COL5A2: variants seen among roughly 807,000 people sequenced by gnomAD.
COL5A2 encodes the protein collagen alpha-2(V) chain.
A neutral mutation model predicts 208.2 loss-of-function variants in COL5A2; 23 were observed. The observed-to-expected ratio is 0.11, with a 90% CI of 0.08 to 0.16. COL5A2 has a LOEUF of 0.16. COL5A2 is among the 10% of genes least tolerant of loss of function. The pLI is 1.00. For synonymous variants in COL5A2, 625 were observed against 628.5 expected (o/e 0.99, Z 0.08); for missense variants, 1,590 against 1,956.4 (o/e 0.81, Z 3.53).
chr2:189,096,772 A>AT (rs1245151985), intron 6 of COL5A2, among the ~76,000 whole-genome samples: 1 of 152,172 alleles, frequency 6.6e-6, no homozygotes, highest in African/African-American at 2.4e-5. Flanking sequence ...TCACTATTTT[A>AT]TTGTAAAGGT....
chr2:189,292,548 A>C, the COL5A2 span, among the ~76,000 whole-genome samples: 1 of 152,218 alleles, frequency 6.6e-6, no homozygotes, highest in Non-Finnish European at 1.5e-5. Context: ...TCAAAACCAC[A>C]ATGAGATGCC....
At chr2:189,309,357 T>C in the COL5A2 span, among the ~76,000 whole-genome samples, 2 of 152,174 alleles carry the variant, frequency 1.3e-5, no homozygotes, top group Non-Finnish European at 2.9e-5. Context: ...TTAACTGATA[T>C]ACGACCTTCT....
At chr2:189,163,110 A>G (rs1688401112) in intron 1 of COL5A2, among the ~76,000 whole-genome samples, 2 of 152,184 alleles carry the variant, frequency 1.3e-5, no homozygotes, top group Admixed American at 6.5e-5. Flanking sequence ...ACCATTTAAT[A>G]ATAATAATAA....
the COL5A2 span, among the ~76,000 whole-genome samples, chr2:189,244,493 C>A: frequency 6.6e-6 from 1 of 152,226 alleles, no homozygotes; most frequent in Non-Finnish European, 1.5e-5. Flanking sequence ...ACAAGTTCCT[C>A]ATCTCCATCT....
At chr2:189,252,366 T>C in the COL5A2 span, among the ~76,000 whole-genome samples, 455 of 152,344 alleles carry the variant, frequency 3.0e-3, 3 homozygotes, top group African/African-American at 9.0e-3. Context: ...CCAATCCAAA[T>C]GTCCATCAAT....
chr2:189,248,498 C>T, the COL5A2 span, among the ~76,000 whole-genome samples: 4 of 152,058 alleles, frequency 2.6e-5, no homozygotes, highest in African/African-American at 9.7e-5. Context: ...AAATGTGTAT[C>T]ATAGAAACAT....
the COL5A2 span, among the ~76,000 whole-genome samples, chr2:189,307,689 C>G: frequency 1.3e-5 from 2 of 152,230 alleles, no homozygotes; most frequent in Admixed American, 6.5e-5. Flanking sequence ...GTTAAGGGAA[C>G]AGATTGATAA....
intron 1 of COL5A2, among the ~76,000 whole-genome samples, chr2:189,150,616 C>T (rs984598828): frequency 6.6e-6 from 1 of 152,056 alleles, no homozygotes; most frequent in African/African-American, 2.4e-5. Flanking sequence ...CTTGATATAA[C>T]CTCCTACTCC....
the COL5A2 span, among the ~76,000 whole-genome samples, chr2:189,388,426 T>C: frequency 6.6e-6 from 1 of 151,946 alleles, no homozygotes; most frequent in African/African-American, 2.4e-5. Flanking sequence ...TAGAAGCAGA[T>C]AGAGTTCTGC....
chr2:189,101,150 T>G (rs1687038885), intron 3 of COL5A2, among the ~76,000 whole-genome samples: 1 of 152,030 alleles, frequency 6.6e-6, no homozygotes. Flanking sequence ...AAATAATGCT[T>G]TTTACTGGGC....
At chr2:189,366,499 G>A in the COL5A2 span, among the ~76,000 whole-genome samples, 6 of 152,256 alleles carry the variant, frequency 3.9e-5, no homozygotes, top group East Asian at 3.9e-4. Flanking sequence ...ATTATTTAGC[G>A]CAAAAAGTCA....
At chr2:189,053,532 G>A in intron 37 of COL5A2, 55 bp from the exon 38 acceptor site, 1 of 1,422,768 alleles carries the variant, frequency 7.0e-7, no homozygotes, top group Non-Finnish European at 9.9e-7. Flanking sequence ...AACAGGAACA[G>A]TATTTTAAAA....
At chr2:189,088,563 G>T in intron 8 of COL5A2, 132 bp downstream of exon 8, 1 of 756,674 alleles carries the variant, frequency 1.3e-6, no homozygotes, top group Non-Finnish European at 2.4e-6. Flanking sequence ...TTAATTAAAT[G>T]AATGAATGAA....
the COL5A2 span, among the ~76,000 whole-genome samples, chr2:189,352,944 C>G: frequency 6.6e-6 from 1 of 152,136 alleles, no homozygotes; most frequent in Non-Finnish European, 1.5e-5. Flanking sequence ...AGTCTTTAAT[C>G]CATCTTGAGT....
At chr2:189,180,717 G>A (rs919390759), upstream of COL5A2, among the ~76,000 whole-genome samples, 6 of 152,178 alleles carry the variant, frequency 3.9e-5, no homozygotes, top group Admixed American at 1.3e-4. Flanking sequence ...CTACATAAAA[G>A]CAGATGGTGG....
At chr2:189,338,135 C>T in the COL5A2 span, among the ~76,000 whole-genome samples, 5 of 152,280 alleles carry the variant, frequency 3.3e-5, no homozygotes, top group Middle Eastern at 3.4e-3. Flanking sequence ...ATATTACAAA[C>T]GTAGCAACTT....
chr2:189,430,336 T>C, the COL5A2 span, among the ~76,000 whole-genome samples: 6 of 152,136 alleles, frequency 3.9e-5, no homozygotes, highest in Non-Finnish European at 7.4e-5. Flanking sequence ...GAGATACAGC[T>C]ACATGAGTGA....
chr2:189,432,315 T>C, the COL5A2 span, among the ~76,000 whole-genome samples: 1 of 152,204 alleles, frequency 6.6e-6, no homozygotes, highest in Non-Finnish European at 1.5e-5. Flanking sequence ...TGACAGGATC[T>C]AATTCACACA....
chr2:189,148,354 G>T (rs1421395057), intron 1 of COL5A2, among the ~76,000 whole-genome samples: 1 of 152,068 alleles, frequency 6.6e-6, no homozygotes, highest in Non-Finnish European at 1.5e-5. Flanking sequence ...GTTGACACAT[G>T]TAAGAAAAGA....
Sources: gnomAD v4.1 joint callset for allele counts (sites outside exome capture counted in the v4.1 genomes callset) on GRCh38, gnomAD v4.1.1 for gene constraint, MANE v1.5 for transcripts, NCBI Gene and HGNC (gene_info 2026-07-23, HGNC 2026-07-21) for gene names.